The following CASD1 variants were observed in gnomAD, a reference collection of about 807,000 sequenced individuals.
The protein encoded by CASD1 is CAS1 domain sialic acid O acetyltransferase 1.
Under a neutral mutation model 100.0 loss-of-function variants are expected in CASD1, and 41 were observed. The ratio of observed to expected loss-of-function variants is 0.41; its 90% confidence interval spans 0.32 to 0.53. CASD1 has a LOEUF of 0.53. Among genes scored for constraint, CASD1 ranks in the 20% least tolerant of loss-of-function variants. CASD1 has a pLI of 0.25. For synonymous variants in CASD1, 321 were observed against 315.6 expected, an observed-to-expected ratio of 1.02 and a Z score of -0.18; for missense variants, 774 against 948.7, an observed-to-expected ratio of 0.82 and a Z score of 2.42.
chr7:94,509,995 G>C lies in CASD1; in HGVS notation c.-90G>C, dbSNP rs893017852. 4 of 1,281,472 alleles carry C rather than the reference G, an allele frequency of 3.1e-6. No homozygotes were observed. The highest frequency in any genetic ancestry group is 3.5e-5 in the Admixed American group (1 of 28,522). The allele number at this position is 1,281,472 out of a possible 1,614,324, so 79.4% of individuals were successfully genotyped here. A position where few individuals can be genotyped will look rare whatever the true frequency, so the allele number is the denominator to read the frequency against. Reference sequence around the variant, plus strand: ...CCTGGGGAGCTGGCGGCCGCTCCTCGCCTGGCTGCAGCGGCGGCAGCCCCA... The same window carrying C: ...CCTGGGGAGCTGGCGGCCGCTCCTCCCCTGGCTGCAGCGGCGGCAGCCCCA... On this transcript the variant is annotated 5_prime_UTR_variant, in exon 1 of 18. Coordinates refer to ENST00000297273, the MANE Select transcript of CASD1 (RefSeq NM_022900.5).
downstream of CASD1, among the ~76,000 whole-genome samples, chr7:94,557,734 C>T (rs919253474): frequency 6.6e-6 from 1 of 151,574 alleles, no homozygotes; most frequent in Non-Finnish European, 1.5e-5. Flanking sequence ...TAATATAAAG[C>T]ACTATTTTTT....
At chr7:94,541,985 G>A (rs1054964978) in intron 10 of CASD1, among the ~76,000 whole-genome samples, 7 of 152,096 alleles carry the variant, frequency 4.6e-5, no homozygotes, top group Non-Finnish European at 1.0e-4. Flanking sequence ...ATCTTAAAAC[G>A]TTGGAATAAA....
rs947219583 is a variant in CASD1 at position 94,509,996 on chromosome 7, C to T, written c.-89C>T. On this transcript the variant is annotated 5_prime_UTR_variant, in exon 1 of 18. Transcript: ENST00000297273. ...CTGGGGAGCTGGCGGCCGCTCCTCG[C>T]CTGGCTGCAGCGGCGGCAGCCCCAG... is the stretch of plus-strand genomic sequence containing the variant. 3.9e-6 allele frequency: 5 copies of T among 1,285,408 alleles called. No individual in the cohort carries two copies. Among genetic ancestry groups the T allele is most frequent in the South Asian group, 2.6e-5 (1 of 37,818 alleles). 79.6% of individuals were successfully genotyped at this position (1,285,408 alleles called of 1,614,324 possible).
chr7:94,535,475 C>G lies in CASD1; in HGVS notation c.795C>G (p.Ile265Met). 1 of 1,613,648 alleles carries G rather than the reference C, an allele frequency of 6.2e-7. No individual in the cohort carries two copies. Among genetic ancestry groups the G allele is most frequent in the Non-Finnish European group, 8.5e-7 (1 of 1,179,766 alleles). Reference sequence around the variant, plus strand: ...CCAAATTAATTGCTCAAGAAACCATCATGGAATCTTTGGATGGCTTACATC... The same window carrying G: ...CCAAATTAATTGCTCAAGAAACCATGATGGAATCTTTGGATGGCTTACATC... The part of the protein sequence containing the change: ...SVSKLIAQET[I>M]MESLDGLHLP... Residue 265 changes from isoleucine (I) to methionine (M), a missense_variant, in exon 8 of 18, where the codon ATC becomes ATG. By Grantham distance (10) the Ile-to-Met change is conservative. Transcript: ENST00000297273.
the CASD1 span, among the ~76,000 whole-genome samples, chr7:94,564,544 A>G: frequency 5.5e-4 from 83 of 152,266 alleles, no homozygotes; most frequent in Non-Finnish European, 9.3e-4. Context: ...GCTAACTTCA[A>G]TTTTCAAGTA....
the CASD1 span, among the ~76,000 whole-genome samples, chr7:94,609,996 C>T: frequency 6.6e-6 from 1 of 152,116 alleles, no homozygotes; most frequent in Non-Finnish European, 1.5e-5. Flanking sequence ...AACCGTGGTA[C>T]ATCCAGAAAA....
At chr7:94,525,759 CT>C (rs1794533466) in intron 3 of CASD1, among the ~76,000 whole-genome samples, 1 of 152,122 alleles carries the variant, frequency 6.6e-6, no homozygotes, top group Admixed American at 6.5e-5. Flanking sequence ...CTCGAGACTC[CT>C]TTTGGAAAGT....
chr7:94,562,097 A>G, the CASD1 span, among the ~76,000 whole-genome samples: 5 of 152,254 alleles, frequency 3.3e-5, no homozygotes, highest in South Asian at 8.3e-4. Flanking sequence ...TTCTGACCTT[A>G]CTGTAATATT....
chr7:94,587,528 AGCTG>A, the CASD1 span: 1 of 1,300,452 alleles, frequency 7.7e-7, no homozygotes, highest in Admixed American at 4.2e-5. Flanking sequence ...TTTAAAAAAT[AGCTG>A]TGAAATTAGT....
the CASD1 span, chr7:94,599,933 G>GA: frequency 1.2e-5 from 5 of 405,460 alleles, no homozygotes; most frequent in African/African-American, 4.1e-5. Context: ...ATAGAAAAAT[G>GA]AAAAAAATGG....
At chr7:94,542,969 G>A (rs1284405005) in intron 10 of CASD1, among the ~76,000 whole-genome samples, 1 of 152,124 alleles carries the variant, frequency 6.6e-6, no homozygotes, top group East Asian at 1.9e-4. Flanking sequence ...GGTGCTATAG[G>A]AACTCAGGAA....
At chr7:94,607,889 A>G in the CASD1 span, among the ~76,000 whole-genome samples, 1 of 152,224 alleles carries the variant, frequency 6.6e-6, no homozygotes, top group South Asian at 2.1e-4. Context: ...AACTCCTAAA[A>G]CTAGTGAGTG....
At chr7:94,581,880 C>T in the CASD1 span, among the ~76,000 whole-genome samples, 11 of 152,214 alleles carry the variant, frequency 7.2e-5, no homozygotes, top group African/African-American at 2.2e-4. Flanking sequence ...TACTCCTTTG[C>T]GTATATACCC....
chr7:94,517,145 C>G (rs1050822260), intron 1 of CASD1, among the ~76,000 whole-genome samples: 6 of 152,166 alleles, frequency 3.9e-5, no homozygotes, highest in Admixed American at 3.3e-4. Context: ...CTCGAGTGAT[C>G]TGCCCACCTA....
intron 9 of CASD1, 137 bp downstream of exon 9, chr7:94,538,031 C>A: frequency 1.7e-6 from 1 of 603,366 alleles, no homozygotes; most frequent in Non-Finnish European, 2.9e-6. Context: ...ATTGTAGTTA[C>A]ACTTCACTTA....
intron 3 of CASD1, among the ~76,000 whole-genome samples, chr7:94,525,039 G>A (rs1794487612): frequency 6.6e-6 from 1 of 152,122 alleles, no homozygotes. Context: ...TGCTTAAAGA[G>A]ATATATGCTT....
At chr7:94,598,445 T>C in the CASD1 span, 4 of 271,926 alleles carry the variant, frequency 1.5e-5, no homozygotes, top group African/African-American at 9.1e-5. Context: ...AAATAATCAA[T>C]TTGAAATGCT....
At chr7:94,542,999 G>A (rs1260522378) in intron 10 of CASD1, among the ~76,000 whole-genome samples, 3 of 152,150 alleles carry the variant, frequency 2.0e-5, no homozygotes, top group African/African-American at 7.2e-5. Flanking sequence ...ACATTCATCT[G>A]ATAGTAAAAA....
At chr7:94,577,690 A>G in the CASD1 span, among the ~76,000 whole-genome samples, 1 of 152,172 alleles carries the variant, frequency 6.6e-6, no homozygotes, top group African/African-American at 2.4e-5. Context: ...TTTCCTGGTA[A>G]GTTCTTTGGT....
Sources: gnomAD v4.1 joint callset for allele counts (sites outside exome capture counted in the v4.1 genomes callset) on GRCh38, gnomAD v4.1.1 for gene constraint, MANE v1.5 for transcripts, NCBI Gene and HGNC (gene_info 2026-07-23, HGNC 2026-07-21) for gene names.